Variants in PHACTR1 observed in about 807,000 individuals in gnomAD.
PHACTR1 encodes phosphatase and actin regulator 1.
In PHACTR1, 16 loss-of-function variants were observed where a neutral mutation model predicts 69.2. The observed-to-expected ratio is 0.23, with a 90% CI of 0.16 to 0.35. PHACTR1 has a LOEUF of 0.35. Among genes scored for constraint, PHACTR1 ranks in the 10% least tolerant of loss-of-function variants. The probability of loss-of-function intolerance (pLI) is 1.00; values close to 1 mark genes in which losing one functional copy is unlikely to be tolerated. For missense variants in PHACTR1, 510 were observed against 734.7 expected, an observed-to-expected ratio of 0.69 and a Z score of 3.54; for synonymous variants, 312 against 284.5, an observed-to-expected ratio of 1.10 and a Z score of -0.97.
chr6:13,118,793 A>C (rs995427183), intron 5 of PHACTR1, among the ~76,000 whole-genome samples: 2 of 152,108 alleles, frequency 1.3e-5, no homozygotes, highest in Non-Finnish European at 2.9e-5. Flanking sequence ...CTTTCTAAGA[A>C]GGGCAGCATG....
At chr6:12,926,582 A>C (rs1788287026) in intron 4 of PHACTR1, among the ~76,000 whole-genome samples, 1 of 152,120 alleles carries the variant, frequency 6.6e-6, no homozygotes, top group African/African-American at 2.4e-5. Flanking sequence ...ACATTCACCA[A>C]ACCTCCTGAC....
intron 4 of PHACTR1, chr6:12,957,687 G>A (rs1792074664): frequency 5.1e-6 from 5 of 985,408 alleles, no homozygotes; most frequent in Non-Finnish European, 4.8e-6. Flanking sequence ...TCGTGGAGGC[G>A]GTTTTAGGTT....
chr6:13,195,248 T>C (rs1764204196), intron 7 of PHACTR1, among the ~76,000 whole-genome samples: 1 of 152,184 alleles, frequency 6.6e-6, no homozygotes, highest in Non-Finnish European at 1.5e-5. Flanking sequence ...ATAGGCCCTT[T>C]ATTATAGTCC....
chr6:12,749,680 TGGC>T lies in PHACTR1; in HGVS notation c.144_146del (p.Ala49del). On this transcript the variant is annotated inframe_deletion, in exon 4 of 15. Transcript: ENST00000332995. ...ACCCTGCTCCTGCCTCCCACATTAA[TGGC>T]GGCATCCTCGGAGGATGATATAGAC... The T allele has an allele frequency of 6.2e-7, 1 of 1,609,872 alleles. No individual in the cohort carries two copies. The highest frequency in any genetic ancestry group is 8.5e-7 in the Non-Finnish European group (1 of 1,178,286).
At chr6:13,115,714 G>C (rs1308629737) in intron 5 of PHACTR1, among the ~76,000 whole-genome samples, 1 of 152,154 alleles carries the variant, frequency 6.6e-6, no homozygotes, top group African/African-American at 2.4e-5. Context: ...GCTGTATAAA[G>C]GGCTTGGGGC....
At chr6:12,798,066 A>ACACACACACACACACACT (rs1449515796) in intron 4 of PHACTR1, among the ~76,000 whole-genome samples, 3 of 151,506 alleles carry the variant, frequency 2.0e-5, no homozygotes, top group Non-Finnish European at 4.4e-5. Context: ...ACACACACAC[A>ACACACACACACACACACT]CACCCCTACA....
At chr6:13,080,841 C>T (rs377067375) in intron 5 of PHACTR1, among the ~76,000 whole-genome samples, 7 of 152,212 alleles carry the variant, frequency 4.6e-5, no homozygotes, top group African/African-American at 1.7e-4. Flanking sequence ...AATTTTATGT[C>T]ATCCTACGAA....
At chr6:13,104,346 A>G (rs1486520141) in intron 5 of PHACTR1, among the ~76,000 whole-genome samples, 6 of 152,232 alleles carry the variant, frequency 3.9e-5, no homozygotes, top group African/African-American at 7.2e-5. Flanking sequence ...GGTGAAATAT[A>G]TACGCAAGAT....
chr6:12,799,345 T>C (rs914783708), intron 4 of PHACTR1, among the ~76,000 whole-genome samples: 1 of 152,146 alleles, frequency 6.6e-6, no homozygotes, highest in Non-Finnish European at 1.5e-5. Context: ...GCCACCAGAA[T>C]CAAGATGAAT....
intron 4 of PHACTR1, among the ~76,000 whole-genome samples, chr6:12,961,064 T>A (rs1013496479): frequency 6.6e-6 from 1 of 152,146 alleles, no homozygotes; most frequent in Non-Finnish European, 1.5e-5. Context: ...GGATCCACAG[T>A]TGCAGGGAAA....
At position 13,053,433 on chromosome 6, in the gene PHACTR1, A is replaced by G; in HGVS notation, c.319A>G (p.Ile107Val). 4 of 1,613,748 alleles carry G rather than the reference A, an allele frequency of 2.5e-6. No homozygotes were observed. The highest frequency in any genetic ancestry group is 3.4e-6 in the Non-Finnish European group (4 of 1,179,814). ...SLVPGTHTPP[I>V]RRRSKFANLG... ...CGTCCCAGGCACCCACACCCCACCC[A>G]TCCGCAGGAGAAGTAAGTTTGCCAA... The change falls in exon 5 of 15, where the codon ATC (isoleucine) becomes GTC (valine). Residue 107 changes from isoleucine (I) to valine (V), a missense_variant. Ile to Val is a conservative substitution (Grantham distance 29). This residue lies in a region of PHACTR1 where 419 missense variants were observed against 530.9 expected (regional missense o/e 0.79). Coordinates refer to ENST00000332995, the MANE Select transcript of PHACTR1 (RefSeq NM_030948.6).
chr6:12,832,639 T>A (rs1047946844), intron 4 of PHACTR1, among the ~76,000 whole-genome samples: 1 of 152,048 alleles, frequency 6.6e-6, no homozygotes, highest in Non-Finnish European at 1.5e-5. Flanking sequence ...CAAGCAAAAT[T>A]GGAATGTTTT....
At chr6:12,823,142 C>T (rs549431231) in intron 4 of PHACTR1, among the ~76,000 whole-genome samples, 6 of 152,190 alleles carry the variant, frequency 3.9e-5, no homozygotes, top group East Asian at 1.9e-4. Context: ...ACCTACCACC[C>T]GTGTAAACAG....
intron 4 of PHACTR1, among the ~76,000 whole-genome samples, chr6:12,988,090 C>CT (rs1796405525): frequency 6.6e-6 from 1 of 152,168 alleles, no homozygotes; most frequent in African/African-American, 2.4e-5. Flanking sequence ...CAACTCTAAT[C>CT]TTAAACATGT....
chr6:13,005,184 T>C, intron 4 of PHACTR1, among the ~76,000 whole-genome samples: 1 of 150,998 alleles, frequency 6.6e-6, no homozygotes. Context: ...AATCTCTCTC[T>C]CTCTTTTTTC....
chr6:13,041,581 G>T (rs1003517576), intron 4 of PHACTR1, among the ~76,000 whole-genome samples: 1 of 152,118 alleles, frequency 6.6e-6, no homozygotes, highest in Non-Finnish European at 1.5e-5. Flanking sequence ...AAAGGAAGTA[G>T]ACTCAAGAAG....
At chr6:12,778,788 T>C (rs1581706606) in intron 4 of PHACTR1, among the ~76,000 whole-genome samples, 1 of 152,204 alleles carries the variant, frequency 6.6e-6, no homozygotes, top group Non-Finnish European at 1.5e-5. Flanking sequence ...ATTTTTGAAA[T>C]TCAATGCCAT....
At chr6:13,196,263 A>G (rs1318159509) in intron 7 of PHACTR1, among the ~76,000 whole-genome samples, 1 of 129,254 alleles carries the variant, frequency 7.7e-6, no homozygotes, top group Non-Finnish European at 1.6e-5. Context: ...GAAAGGAGGC[A>G]TTTTTATCCC....
chr6:13,194,013 T>C lies in PHACTR1; in HGVS notation c.664+11327T>C, dbSNP rs568217423. 7.9e-5 allele frequency among the ~76,000 whole-genome samples: 12 copies of C among 152,282 alleles called. No homozygotes were observed. In the South Asian group the frequency reaches 2.5e-3, roughly 32 times the overall value. ...ACATAAACAATATGATGTGTTTTTA[T>C]ATAGGTGATTTATAATTTCTCACAA... On this transcript the variant is annotated intron_variant, in intron 7 of 14. Coordinates refer to ENST00000332995, the MANE Select transcript of PHACTR1 (RefSeq NM_030948.6).
Sources: gnomAD v4.1 joint callset for allele counts (sites outside exome capture counted in the v4.1 genomes callset) on GRCh38, gnomAD v4.1.1 for gene constraint, gnomAD v4.1.1 regional missense constraint, MANE v1.5 for transcripts, NCBI Gene and HGNC (gene_info 2026-07-23, HGNC 2026-07-21) for gene names.